The following PRDM16 variants were observed in gnomAD, a reference collection of about 807,000 sequenced individuals.
PRDM16 encodes the protein histone-lysine N-methyltransferase PRDM16.
A neutral mutation model predicts 110.6 loss-of-function variants in PRDM16; 23 were observed. The ratio of observed to expected loss-of-function variants is 0.21; its 90% CI spans 0.15 to 0.29. The LOEUF is 0.29. Ranked by LOEUF, PRDM16 falls within the 10% of genes least tolerant of loss-of-function variation. The pLI, the probability that PRDM16 is intolerant of heterozygous loss-of-function variation, is 1.00. For synonymous variants in PRDM16, 799 were observed against 781.8 expected (o/e 1.02, Z -0.37); for missense variants, 1,615 against 1,794.3 (o/e 0.90, Z 1.81).
rs148535449 is a variant in PRDM16 at position 3,305,929 on chromosome 1, G to T, written c.438+61792G>T. On this transcript the variant is annotated intron_variant, in intron 3 of 16. Coordinates refer to ENST00000270722, the MANE Select transcript of PRDM16 (RefSeq NM_022114.4). ...CACTAGCCACCTATGCCAGGCACTGGCCTGGGCCCCAGTGACACTCTCTGC... is the reference window on the plus strand; with the variant it reads ...CACTAGCCACCTATGCCAGGCACTGTCCTGGGCCCCAGTGACACTCTCTGC... Among the ~76,000 whole-genome samples the T allele has an allele frequency of 5.8e-3, 885 of 152,344 alleles. 16 individuals carry two copies. Among genetic ancestry groups the T allele is most frequent in the African/African-American group, 0.02 (849 of 41,568 alleles).
At chr1:3,386,163 G>A (rs989292311) in intron 4 of PRDM16, among the ~76,000 whole-genome samples, 1 of 152,050 alleles carries the variant, frequency 6.6e-6, no homozygotes, top group South Asian at 2.1e-4. Flanking sequence ...GGGGTGCCCG[G>A]GGTCCCCGGC....
rs890817787 is a variant in PRDM16, at chr1:3,157,719, A to G, written c.38-28406A>G. On this transcript the variant is annotated intron_variant, in intron 1 of 16. Coordinates refer to ENST00000270722, the MANE Select transcript of PRDM16 (RefSeq NM_022114.4). The surrounding 1 kb of genome is among the most constrained non-coding windows in gnomAD (Gnocchi z 4.8). Reference sequence around the variant, plus strand: ...GGGAGGCGTCTCAGCAAATACCCACAGGAGGCTGTGTTTGGCCACTAGCGG... The same window carrying G: ...GGGAGGCGTCTCAGCAAATACCCACGGGAGGCTGTGTTTGGCCACTAGCGG... Among the ~76,000 whole-genome samples, 1 of 152,158 alleles carries G rather than the reference A, an allele frequency of 6.6e-6. No homozygotes were observed. Among genetic ancestry groups the G allele is most frequent in the African/African-American group, 2.4e-5 (1 of 41,432 alleles).
chr1:3,222,492 T>G (rs1639176873), intron 2 of PRDM16, among the ~76,000 whole-genome samples: 1 of 152,242 alleles, frequency 6.6e-6, no homozygotes, highest in Non-Finnish European at 1.5e-5. Flanking sequence ...AAGCCTCTCC[T>G]TCGGCCTGTG....
At position 3,175,861 on chromosome 1, in the gene PRDM16, G is replaced by A. The variant is rs1037938495; in HGVS notation, c.38-10264G>A. On this transcript the variant is annotated intron_variant, in intron 1 of 16. Transcript: ENST00000270722. The surrounding 1 kb of genome is among the most constrained non-coding windows in gnomAD (Gnocchi z 4.8). ...CAGGGTTGTGTTAATGGAGCTTCAC[G>A]GCTAGGGAAGGAAAGTCAGAAGTGG... Among the ~76,000 whole-genome samples, 2 of 152,144 alleles carry A rather than the reference G, an allele frequency of 1.3e-5. No homozygotes were observed. Among genetic ancestry groups the A allele is most frequent in the Non-Finnish European group, 2.9e-5 (2 of 68,030 alleles).
At chr1:3,322,342 T>TA (rs1384436215) in intron 3 of PRDM16, among the ~76,000 whole-genome samples, 5 of 152,148 alleles carry the variant, frequency 3.3e-5, no homozygotes, top group Admixed American at 2.6e-4. Flanking sequence ...TGACTCGAGT[T>TA]ACATCATTTT....
chr1:3,137,716 C>T (rs1364003903), intron 1 of PRDM16, among the ~76,000 whole-genome samples: 1 of 152,254 alleles, frequency 6.6e-6, no homozygotes, highest in Non-Finnish European at 1.5e-5. Context: ...ATGAAATATT[C>T]CTGACAGTGG....
At chr1:3,402,401 C>T (rs182446523) in intron 5 of PRDM16, among the ~76,000 whole-genome samples, 7 of 152,370 alleles carry the variant, frequency 4.6e-5, no homozygotes, top group African/African-American at 1.4e-4. Context: ...TTATTATATG[C>T]ACTGGAGCTC....
At chr1:3,121,439 C>T (rs1643091703) in intron 1 of PRDM16, among the ~76,000 whole-genome samples, 1 of 152,230 alleles carries the variant, frequency 6.6e-6, no homozygotes, top group African/African-American at 2.4e-5. Context: ...AAGATCAGCT[C>T]CTGATGAAAA....
rs1638956876 is a variant in PRDM16, at chr1:3,438,124, T to C, written c.*4313T>C. The stretch of plus-strand genomic sequence containing the variant: ...TTTCATATAATGTTTAAAAAGACCA[T>C]TGAGAAGGAGGCTGGCGCTCGCCCC... On this transcript the variant is annotated 3_prime_UTR_variant, in exon 17 of 17. Coordinates refer to ENST00000270722, the MANE Select transcript of PRDM16 (RefSeq NM_022114.4). 9.9e-6 allele frequency: 2 copies of C among 201,458 alleles called. No individual in the cohort carries two copies. The highest frequency in any genetic ancestry group is 1.2e-4 in the Admixed American group (2 of 16,622). 12.5% of individuals were successfully genotyped at this position (201,458 alleles called of 1,614,324 possible). A position where few individuals can be genotyped will look rare whatever the true frequency, so the allele number is the denominator to read the frequency against.
chr1:3,320,514 T>C (rs1002442693), intron 3 of PRDM16, among the ~76,000 whole-genome samples: 2 of 152,174 alleles, frequency 1.3e-5, no homozygotes, highest in Admixed American at 6.5e-5. Context: ...GAACAGATCA[T>C]TTCCCAGGTG....
chr1:3,161,148 T>TGAGGGAGGCGAGCAG (rs1225625452), intron 1 of PRDM16, among the ~76,000 whole-genome samples: 2 of 151,248 alleles, frequency 1.3e-5, no homozygotes, highest in Non-Finnish European at 2.9e-5. Context: ...AGCTGACAGG[T>TGAGGGAGGCGAGCAG]GAGGGAGGCG....
At chr1:3,195,894 A>G (rs773837621) in intron 2 of PRDM16, among the ~76,000 whole-genome samples, 1 of 152,186 alleles carries the variant, frequency 6.6e-6, no homozygotes, top group African/African-American at 2.4e-5. Context: ...TGGCCTCTGT[A>G]TGGGCCTGGT....
At chr1:3,181,005 C>T (rs886157398) in intron 1 of PRDM16, among the ~76,000 whole-genome samples, 35 of 147,930 alleles carry the variant, frequency 2.4e-4, no homozygotes, top group Non-Finnish European at 4.3e-4. Context: ...CGATCTTACA[C>T]GCGGTCTTAC....
At chr1:3,204,952 C>A (rs759628983) in intron 2 of PRDM16, among the ~76,000 whole-genome samples, 2 of 152,126 alleles carry the variant, frequency 1.3e-5, no homozygotes, top group Non-Finnish European at 2.9e-5. Flanking sequence ...GAAGGCCCCG[C>A]GGGATTGTTA....
chr1:3,083,747 G>A (rs943971297), intron 1 of PRDM16, among the ~76,000 whole-genome samples: 3 of 152,156 alleles, frequency 2.0e-5, no homozygotes, highest in South Asian at 2.1e-4. Context: ...GGGAAGAGCT[G>A]TTCCTCCTCA....
intron 5 of PRDM16, among the ~76,000 whole-genome samples, chr1:3,397,988 T>C (rs1643412691): frequency 6.6e-6 from 1 of 152,208 alleles, no homozygotes; most frequent in Admixed American, 6.5e-5. Context: ...CTGGAGCCTA[T>C]CTGCAGCTTC....
At chr1:3,322,322 G>C (rs770529206) in intron 3 of PRDM16, among the ~76,000 whole-genome samples, 1 of 152,152 alleles carries the variant, frequency 6.6e-6, no homozygotes, top group Non-Finnish European at 1.5e-5. Flanking sequence ...GGAATAAACG[G>C]GCTGTTGATT....
chr1:3,142,605 A>G (rs796541423), intron 1 of PRDM16, among the ~76,000 whole-genome samples: 32 of 152,298 alleles, frequency 2.1e-4, no homozygotes, highest in African/African-American at 7.7e-4. Context: ...CAGGGAAGAC[A>G]GGCTGCCACT....
intron 1 of PRDM16, among the ~76,000 whole-genome samples, chr1:3,180,547 G>A (rs72630981): frequency 0.089 from 13,516 of 152,112 alleles, 786 homozygotes; most frequent in Middle Eastern, 0.15. Context: ...CACAGGGCCC[G>A]AGGGCCGCAA....
Sources: allele counts gnomAD v4.1 joint callset (sites outside exome capture counted in the v4.1 genomes callset), GRCh38; gene constraint gnomAD v4.1.1; non-coding constraint Gnocchi (gnomAD v3.1); transcripts MANE v1.5; gene names NCBI Gene and HGNC (gene_info 2026-07-23, HGNC 2026-07-21).